The following PCDH15 variants were observed in gnomAD, a reference collection of about 807,000 sequenced individuals.
PCDH15 encodes protocadherin related 15.
Under a neutral mutation model 178.5 loss-of-function variants are expected in PCDH15, and 129 were observed. The observed-to-expected ratio is 0.72, with a 90% CI of 0.63 to 0.84. The LOEUF (loss-of-function observed/expected upper bound fraction) is 0.84, where lower values mean the gene tolerates loss of function less well. PCDH15 is among the 40% of genes least tolerant of loss of function. The pLI is 0.00. For synonymous variants in PCDH15, 800 were observed against 732.0 expected (o/e 1.09, Z -1.50); for missense variants, 2,230 against 2,099.9 (o/e 1.06, Z -1.21).
chr10:55,210,399 T>C (rs1177541427), intron 1 of PCDH15, among the ~76,000 whole-genome samples: 1 of 151,786 alleles, frequency 6.6e-6, no homozygotes, highest in East Asian at 1.9e-4. Context: ...AAAAGATCAC[T>C]GAAGTATTTG....
chr10:53,821,024 A>ATTAATAATATGAACAAAC, intron 32 of PCDH15: 1 of 808,640 alleles, frequency 1.2e-6, no homozygotes, highest in Non-Finnish European at 1.5e-6. Context: ...TAGGGAGATG[A>ATTAATAATATGAACAAAC]TTAATAATAT....
chr10:54,846,391 A>T (rs993380153), intron 3 of PCDH15, among the ~76,000 whole-genome samples: 2 of 152,150 alleles, frequency 1.3e-5, no homozygotes, highest in Non-Finnish European at 2.9e-5. Flanking sequence ...TGCCGAATGA[A>T]TGAATGATGA....
chr10:54,148,693 T>G (rs1041669909), intron 14 of PCDH15, among the ~76,000 whole-genome samples: 22 of 152,102 alleles, frequency 1.4e-4, no homozygotes, highest in Non-Finnish European at 2.5e-4. Flanking sequence ...GCACCCCTAT[T>G]GACATCAACA....
intron 2 of PCDH15, among the ~76,000 whole-genome samples, chr10:55,346,956 T>G (rs897344676): frequency 1.3e-5 from 2 of 152,060 alleles, no homozygotes; most frequent in Non-Finnish European, 2.9e-5. Context: ...GACTCACACA[T>G]GTAATCCCAG....
chr10:54,285,964 C>A (rs2059002232), intron 8 of PCDH15, among the ~76,000 whole-genome samples: 1 of 152,042 alleles, frequency 6.6e-6, no homozygotes, highest in Non-Finnish European at 1.5e-5. Flanking sequence ...AGACAAATAC[C>A]ACTTGATCTC....
intron 2 of PCDH15, among the ~76,000 whole-genome samples, chr10:54,648,078 T>C (rs1315643139): frequency 6.6e-6 from 1 of 152,128 alleles, no homozygotes; most frequent in Non-Finnish European, 1.5e-5. Flanking sequence ...AAATTTCCAA[T>C]ATTTTAATTC....
Position 54,497,832 on chromosome 10 carries a change from T to C in PCDH15, c.157+29980A>G, listed in dbSNP as rs1333604411. Among the ~76,000 whole-genome samples the C allele has an allele frequency of 3.3e-5, 5 of 152,126 alleles. No individual in the cohort carries two copies. The South Asian group carries it at 1.0e-3, about 31-fold the overall frequency. On this transcript the variant is annotated intron_variant, in intron 3 of 37. Transcript: ENST00000644397. ...TAAAGAGACCAAGTCTATGACTCAT[T>C]GGCATTCCTGAAAGAGTTGGAGGGA...
chr10:55,016,920 C>T (rs1840194646), intron 2 of PCDH15, among the ~76,000 whole-genome samples: 1 of 151,714 alleles, frequency 6.6e-6, no homozygotes, highest in African/African-American at 2.4e-5. Flanking sequence ...AAATAAGATA[C>T]ACCCCTGGGC....
intron 2 of PCDH15, among the ~76,000 whole-genome samples, chr10:55,388,229 G>T (rs1837708504): frequency 6.6e-6 from 1 of 151,914 alleles, no homozygotes; most frequent in Non-Finnish European, 1.5e-5. Context: ...TATAAATTGG[G>T]ACTTCTTCCC....
intron 1 of PCDH15, among the ~76,000 whole-genome samples, chr10:54,740,593 A>C (rs1566093325): frequency 6.6e-6 from 1 of 151,990 alleles, no homozygotes; most frequent in Admixed American, 6.6e-5. Context: ...TTGTACTACT[A>C]TTCACAACAG....
At chr10:54,001,877 A>G (rs979248472) in intron 20 of PCDH15, among the ~76,000 whole-genome samples, 1 of 152,038 alleles carries the variant, frequency 6.6e-6, no homozygotes, top group African/African-American at 2.4e-5. Context: ...AAACACATGG[A>G]AAAATATATT....
chr10:53,945,364 T>C (rs1489633794), intron 23 of PCDH15, among the ~76,000 whole-genome samples: 1 of 152,188 alleles, frequency 6.6e-6, no homozygotes, highest in Non-Finnish European at 1.5e-5. Flanking sequence ...ACGTATACAC[T>C]GTAGAATGGC....
Position 54,020,379 on chromosome 10 carries a change from C to A in PCDH15, c.2564G>T (p.Arg855Leu). 6.2e-7 allele frequency: 1 copy of A among 1,613,668 alleles called. No individual in the cohort carries two copies. Among genetic ancestry groups the A allele is most frequent in the Non-Finnish European group, 8.5e-7 (1 of 1,179,746 alleles). Reference sequence around the variant, plus strand: ...GTGCTTCACTTCTGGGCTTCTTATCCGGTAAGACACATTTGCTCCAAGGTC... The same window carrying A: ...GTGCTTCACTTCTGGGCTTCTTATCAGGTAAGACACATTTGCTCCAAGGTC... The part of the protein sequence containing the change: ...DVDLGANVSY[R>L]IRSPEVKHFF... Residue 855 changes from arginine (R) to leucine (L), a missense_variant, in exon 20 of 38, where the codon CGG becomes CTG. By Grantham distance (102) the Arg-to-Leu change is moderately radical (BLOSUM62 -2). Coordinates refer to ENST00000644397, the MANE Select transcript of PCDH15 (RefSeq NM_001384140.1).
At chr10:54,737,165 C>T (rs1003213814) in intron 1 of PCDH15, among the ~76,000 whole-genome samples, 9 of 152,030 alleles carry the variant, frequency 5.9e-5, no homozygotes, top group Admixed American at 2.0e-4. Context: ...GCTTCTTATG[C>T]GAAACTGGCC....
intron 2 of PCDH15, among the ~76,000 whole-genome samples, chr10:54,977,431 C>A (rs76413960): frequency 6.6e-6 from 1 of 152,178 alleles, no homozygotes; most frequent in East Asian, 1.9e-4. Context: ...TACATTAGTA[C>A]ACTAAAAGAC....
At chr10:55,432,685 T>C (rs1838912830) in intron 2 of PCDH15, among the ~76,000 whole-genome samples, 1 of 152,296 alleles carries the variant, frequency 6.6e-6, no homozygotes, top group African/African-American at 2.4e-5. Context: ...TGTAAATTAG[T>C]TTCATCATTG....
chr10:54,975,728 A>T (rs922752333), intron 2 of PCDH15, among the ~76,000 whole-genome samples: 17 of 152,318 alleles, frequency 1.1e-4, no homozygotes, highest in African/African-American at 3.6e-4. Context: ...TCATATGATA[A>T]TACGGTATTT....
intron 1 of PCDH15, among the ~76,000 whole-genome samples, chr10:54,672,602 C>T (rs2094695870): frequency 6.6e-6 from 1 of 152,140 alleles, no homozygotes; most frequent in African/African-American, 2.4e-5. Flanking sequence ...CTCCAGACAA[C>T]AGCCCTCAGT....
At chr10:54,515,316 C>T (rs2082099450) in intron 3 of PCDH15, among the ~76,000 whole-genome samples, 1 of 152,234 alleles carries the variant, frequency 6.6e-6, no homozygotes, top group Non-Finnish European at 1.5e-5. Flanking sequence ...AACGGCACAC[C>T]AGGAGATTAT....
Sources: gnomAD v4.1 joint callset for allele counts (sites outside exome capture counted in the v4.1 genomes callset) on GRCh38, gnomAD v4.1.1 for gene constraint, MANE v1.5 for transcripts, NCBI Gene and HGNC (gene_info 2026-07-23, HGNC 2026-07-21) for gene names.